NPAS3: variants seen among roughly 807,000 people sequenced by gnomAD.
The protein encoded by NPAS3 is neuronal PAS domain protein 3.
Under a neutral mutation model 73.1 loss-of-function variants are expected in NPAS3, and 14 were observed. The observed-to-expected ratio is 0.19, with a 90% CI of 0.13 to 0.30. The LOEUF (loss-of-function observed/expected upper bound fraction) is 0.30, where lower values mean the gene tolerates loss of function less well. NPAS3 is among the 10% of genes least tolerant of loss of function. The pLI is 1.00. For missense variants in NPAS3, 1,096 were observed against 1,250.0 expected, an observed-to-expected ratio of 0.88 and a Z score of 1.86; for synonymous variants, 620 against 541.5, an observed-to-expected ratio of 1.14 and a Z score of -2.01.
intron 5 of NPAS3, among the ~76,000 whole-genome samples, chr14:33,641,283 A>C (rs1247262027): frequency 6.6e-6 from 1 of 152,228 alleles, no homozygotes; most frequent in Admixed American, 6.5e-5. Flanking sequence ...ATGATTTCTA[A>C]GAATGCAGAT....
chr14:33,391,757 A>C (rs1249459866), intron 4 of NPAS3, among the ~76,000 whole-genome samples: 1 of 152,180 alleles, frequency 6.6e-6, no homozygotes, highest in African/African-American at 2.4e-5. Context: ...AGTTAATCCT[A>C]CTGGACACCA....
intron 9 of NPAS3, among the ~76,000 whole-genome samples, chr14:33,782,399 C>CA (rs1234674945): frequency 6.6e-6 from 1 of 152,104 alleles, no homozygotes; most frequent in African/African-American, 2.4e-5. Flanking sequence ...TGTAGCCCCC[C>CA]AAAAATGGAG....
intron 4 of NPAS3, among the ~76,000 whole-genome samples, chr14:33,427,200 T>C (rs1181140226): frequency 6.6e-6 from 1 of 152,060 alleles, no homozygotes; most frequent in Non-Finnish European, 1.5e-5. Context: ...CTAAGAGCTA[T>C]GGGATGGTCC....
chr14:33,075,502 G>T (rs2041626717), intron 2 of NPAS3, among the ~76,000 whole-genome samples: 1 of 152,156 alleles, frequency 6.6e-6, no homozygotes, highest in Admixed American at 6.5e-5. Context: ...AACTGATAAA[G>T]CTGATATTAC....
chr14:33,800,479 G>T lies in NPAS3; in HGVS notation c.2172G>T (p.Ala724=). Residue 724 remains alanine, a synonymous_variant, in exon 12 of 12, where the codon GCG becomes GCT. Coordinates refer to ENST00000356141, the Ensembl canonical transcript of NPAS3. This position sits in a 1 kb window ranked among gnomAD's most constrained non-coding sequence, Gnocchi z 6.5. The stretch of plus-strand genomic sequence containing the variant: ...TCACCCCGCCCGGCGCCGACGGCGC[G>T]GCCGCCCGCAAGACTCAGTTCGGCG... 6.7e-7 allele frequency: 1 copy of T among 1,483,296 alleles called. No individual in the cohort carries two copies. The highest frequency in any genetic ancestry group is 8.9e-7 in the Non-Finnish European group (1 of 1,123,170). 91.9% of individuals were successfully genotyped at this position (1,483,296 alleles called of 1,614,324 possible). A position where few individuals can be genotyped will look rare whatever the true frequency, so the allele number is the denominator to read the frequency against.
At chr14:33,557,759 G>C (rs1021119700) in intron 4 of NPAS3, among the ~76,000 whole-genome samples, 4 of 152,320 alleles carry the variant, frequency 2.6e-5, no homozygotes, top group Admixed American at 2.0e-4. Flanking sequence ...CACGAGGTCA[G>C]GAGATCAAGG....
Position 33,007,956 on chromosome 14 carries a change from C to T in NPAS3, c.51-47949C>T, listed in dbSNP as rs575597081. Among the ~76,000 whole-genome samples, 11 of 152,168 alleles carry T rather than the reference C, an allele frequency of 7.2e-5. No individual in the cohort carries two copies. The South Asian group carries it at 2.3e-3, about 32-fold the overall frequency. ...CCGGTTCTAGTGTGAGGATAGAGCT[C>T]TAAATTCAATATTAACTTAGAGGAA... On this transcript the variant is annotated intron_variant, in intron 1 of 11. Coordinates refer to ENST00000356141, the Ensembl canonical transcript of NPAS3.
At chr14:33,699,809 C>T (rs1410847324) in intron 6 of NPAS3, among the ~76,000 whole-genome samples, 2 of 151,916 alleles carry the variant, frequency 1.3e-5, no homozygotes, top group South Asian at 2.1e-4. Context: ...GTGGGTGAGG[C>T]GATGAACCCG....
chr14:33,644,972 T>G (rs993232453), intron 5 of NPAS3, among the ~76,000 whole-genome samples: 1 of 151,482 alleles, frequency 6.6e-6, no homozygotes, highest in Non-Finnish European at 1.5e-5. Flanking sequence ...TCCCAGCTAC[T>G]TGGGAGGCTG....
At chr14:33,288,921 A>G (rs1594607726) in intron 3 of NPAS3, among the ~76,000 whole-genome samples, 1 of 152,306 alleles carries the variant, frequency 6.6e-6, no homozygotes, top group East Asian at 1.9e-4. Flanking sequence ...TGAGATTCCA[A>G]TTAGCACAGT....
At chr14:33,532,488 A>G (rs1249303234) in intron 4 of NPAS3, among the ~76,000 whole-genome samples, 2 of 152,090 alleles carry the variant, frequency 1.3e-5, no homozygotes, top group African/African-American at 4.8e-5. Context: ...CTGTGAGGAC[A>G]GGTGTTAGCT....
intron 2 of NPAS3, among the ~76,000 whole-genome samples, chr14:33,098,888 G>A (rs2042499193): frequency 6.6e-6 from 1 of 152,184 alleles, no homozygotes; most frequent in South Asian, 2.1e-4. Flanking sequence ...TCTTTAAATT[G>A]CCTGAGACCA....
intron 2 of NPAS3, among the ~76,000 whole-genome samples, chr14:33,077,048 A>G (rs1030911948): frequency 6.6e-6 from 1 of 152,204 alleles, no homozygotes; most frequent in African/African-American, 2.4e-5. Flanking sequence ...TCGTGGGGAT[A>G]CAACAGTGGG....
chr14:33,300,472 C>CT (rs1333989653), intron 3 of NPAS3, among the ~76,000 whole-genome samples: 5 of 152,230 alleles, frequency 3.3e-5, no homozygotes, highest in African/African-American at 7.2e-5. Flanking sequence ...ATCAGCCCAA[C>CT]CTCTGCAGCA....
intron 3 of NPAS3, among the ~76,000 whole-genome samples, chr14:33,355,854 C>G (rs1429027616): frequency 6.6e-6 from 1 of 151,802 alleles, no homozygotes; most frequent in East Asian, 1.9e-4. Flanking sequence ...TTCCCTTCCC[C>G]TTTTAAAAAT....
At chr14:33,479,336 C>T (rs540830380) in intron 4 of NPAS3, among the ~76,000 whole-genome samples, 1 of 152,198 alleles carries the variant, frequency 6.6e-6, no homozygotes, top group South Asian at 2.1e-4. Flanking sequence ...GGTACCATCA[C>T]CACTAGTCTC....
chr14:33,490,242 A>G (rs2051826755), intron 4 of NPAS3, among the ~76,000 whole-genome samples: 1 of 152,126 alleles, frequency 6.6e-6, no homozygotes, highest in Admixed American at 6.5e-5. Context: ...TTTCGAACCC[A>G]TTATCTGCCT....
intron 1 of NPAS3, among the ~76,000 whole-genome samples, chr14:32,970,135 A>C (rs967757476): frequency 6.6e-6 from 1 of 152,244 alleles, no homozygotes; most frequent in Non-Finnish European, 1.5e-5. Flanking sequence ...AACGTAGGAT[A>C]AAAGGAATCA....
At chr14:33,490,358 A>G (rs1396172814) in intron 4 of NPAS3, among the ~76,000 whole-genome samples, 8 of 152,184 alleles carry the variant, frequency 5.3e-5, no homozygotes, top group Admixed American at 5.2e-4. Context: ...ATTAGCATCT[A>G]AAACCCAGTT....
Sources: allele counts gnomAD v4.1 joint callset (sites outside exome capture counted in the v4.1 genomes callset), GRCh38; gene constraint gnomAD v4.1.1; non-coding constraint Gnocchi (gnomAD v3.1); transcripts MANE v1.5; gene names NCBI Gene and HGNC (gene_info 2026-07-23, HGNC 2026-07-21).